Variants in PIERCE2 observed in about 807,000 individuals in gnomAD.
PIERCE2 encodes piercer of microtubule wall 2 protein.
chr15:55,408,694 G>A, the PIERCE2 span: 6 of 945,308 alleles, frequency 6.3e-6, no homozygotes, highest in East Asian at 1.6e-4. Context: ...CACGTCCCTA[G>A]GCGTTCACCG....
chr15:55,418,348 C>G, the PIERCE2 span: 1 of 1,539,950 alleles, frequency 6.5e-7, no homozygotes, highest in African/African-American at 1.4e-5. Context: ...TCCAGACAGC[C>G]ACCTCACTAT....
the PIERCE2 span, chr15:55,418,455 A>T: frequency 6.6e-7 from 1 of 1,522,456 alleles, no homozygotes; most frequent in Non-Finnish European, 8.8e-7. Flanking sequence ...ACTCCAAAGG[A>T]GCAAGTATTT....
At chr15:55,412,746 C>A in the PIERCE2 span, among the ~76,000 whole-genome samples, 1 of 152,026 alleles carries the variant, frequency 6.6e-6, no homozygotes, top group African/African-American at 2.4e-5. Flanking sequence ...CCAGTGCACT[C>A]CAGCCTGGGC....
the PIERCE2 span, among the ~76,000 whole-genome samples, chr15:55,415,658 TA>T: frequency 6.6e-6 from 1 of 152,044 alleles, no homozygotes; most frequent in Non-Finnish European, 1.5e-5. Context: ...CATGCACCAG[TA>T]ATTAGAATGG....
chr15:55,415,629 G>T, the PIERCE2 span, among the ~76,000 whole-genome samples: 1 of 152,076 alleles, frequency 6.6e-6, no homozygotes, highest in East Asian at 1.9e-4. Flanking sequence ...GCAAGCAGCG[G>T]GTACGTGACT....
the PIERCE2 span, among the ~76,000 whole-genome samples, chr15:55,411,754 T>G: frequency 6.6e-6 from 1 of 152,012 alleles, no homozygotes; most frequent in Non-Finnish European, 1.5e-5. Flanking sequence ...AAACCCCATC[T>G]CTACTAAAAA....
At chr15:55,412,288 T>A in the PIERCE2 span, among the ~76,000 whole-genome samples, 1 of 152,146 alleles carries the variant, frequency 6.6e-6, no homozygotes, top group East Asian at 1.9e-4. Flanking sequence ...TGCCTTGTGC[T>A]ACTCTTCCAA....
chr15:55,413,115 A>C, the PIERCE2 span, among the ~76,000 whole-genome samples: 1 of 152,048 alleles, frequency 6.6e-6, no homozygotes, highest in Admixed American at 6.6e-5. Flanking sequence ...AAAAATACAA[A>C]AAATTAGCCG....
chr15:55,415,972 T>C, the PIERCE2 span, among the ~76,000 whole-genome samples: 1 of 152,228 alleles, frequency 6.6e-6, no homozygotes, highest in Non-Finnish European at 1.5e-5. Context: ...TTGTAAGTAA[T>C]GCTGTGAATT....
chr15:55,418,643 C>A, the PIERCE2 span: 2 of 1,017,042 alleles, frequency 2.0e-6, no homozygotes, highest in Non-Finnish European at 2.7e-6. Flanking sequence ...GGGTAGAATA[C>A]CTAATAAAGA....
the PIERCE2 span, chr15:55,408,896 T>C: frequency 2.8e-6 from 2 of 709,770 alleles, no homozygotes; most frequent in Non-Finnish European, 4.6e-6. Flanking sequence ...AAAAGCACTT[T>C]ACAAGGCAAC....
chr15:55,412,181 A>G, the PIERCE2 span, among the ~76,000 whole-genome samples: 1 of 151,806 alleles, frequency 6.6e-6, no homozygotes, highest in African/African-American at 2.4e-5. Flanking sequence ...AATCTCCACA[A>G]CCATAGGAAC....
chr15:55,410,099 T>C, the PIERCE2 span, among the ~76,000 whole-genome samples: 1 of 147,572 alleles, frequency 6.8e-6, no homozygotes, highest in Non-Finnish European at 1.5e-5. Flanking sequence ...GTCTATGATG[T>C]AAAGTATAAA....
chr15:55,417,796 C>T, the PIERCE2 span: 17 of 217,556 alleles, frequency 7.8e-5, no homozygotes, highest in Admixed American at 5.7e-4. Context: ...TGGGTGGAGG[C>T]GGGCTGAGTC....
chr15:55,408,749 A>C, the PIERCE2 span: 16 of 1,527,982 alleles, frequency 1.0e-5, no homozygotes, highest in South Asian at 1.9e-4. Context: ...TGCCGAAAAA[A>C]TTAACAAAGA....
At chr15:55,411,410 G>T in the PIERCE2 span, among the ~76,000 whole-genome samples, 1 of 152,138 alleles carries the variant, frequency 6.6e-6, no homozygotes, top group South Asian at 2.1e-4. Flanking sequence ...GTTACAATGA[G>T]CTGCGACTGC....
At chr15:55,417,099 A>C in the PIERCE2 span, among the ~76,000 whole-genome samples, 1 of 152,196 alleles carries the variant, frequency 6.6e-6, no homozygotes, top group Non-Finnish European at 1.5e-5. Flanking sequence ...AACAACAGCC[A>C]AAGTAATTTT....
the PIERCE2 span, among the ~76,000 whole-genome samples, chr15:55,412,736 C>G: frequency 6.6e-6 from 1 of 152,084 alleles, no homozygotes; most frequent in East Asian, 1.9e-4. Context: ...TTGTGAACAG[C>G]CAGTGCACTC....
chr15:55,416,393 G>A, the PIERCE2 span, among the ~76,000 whole-genome samples: 9 of 152,170 alleles, frequency 5.9e-5, no homozygotes, highest in South Asian at 2.1e-4. Context: ...GAGCCATTGC[G>A]CCTGGACGAA....
Sources: gnomAD v4.1 joint callset for allele counts (sites outside exome capture counted in the v4.1 genomes callset) on GRCh38, gnomAD v4.1.1 for gene constraint, MANE v1.5 for transcripts, NCBI Gene and HGNC (gene_info 2026-07-23, HGNC 2026-07-21) for gene names.